LRBA: variants seen among roughly 807,000 people sequenced by gnomAD.
LRBA encodes the protein lipopolysaccharide-responsive and beige-like anchor protein.
Under a neutral mutation model 330.0 loss-of-function variants are expected in LRBA, and 176 were observed. The ratio of observed to expected loss-of-function variants is 0.53; its 90% confidence interval spans 0.47 to 0.60. The LOEUF is 0.60. Ranked by LOEUF, LRBA falls within the 20% of genes least tolerant of loss-of-function variation. The probability of loss-of-function intolerance (pLI) is 0.00; values close to 1 mark genes in which losing one functional copy is unlikely to be tolerated. For missense variants in LRBA, 3,259 were observed against 3,444.8 expected, an observed-to-expected ratio of 0.95 and a Z score of 1.35; for synonymous variants, 1,230 against 1,193.0, an observed-to-expected ratio of 1.03 and a Z score of -0.64.
chr4:150,740,786 A>C, intron 35 of LRBA, among the ~76,000 whole-genome samples: 1 of 152,106 alleles, frequency 6.6e-6, no homozygotes, highest in Non-Finnish European at 1.5e-5. Flanking sequence ...CTTTCTGCAT[A>C]ATCTGATGAG....
At chr4:150,664,530 G>A (rs1781401160) in intron 37 of LRBA, among the ~76,000 whole-genome samples, 1 of 152,056 alleles carries the variant, frequency 6.6e-6, no homozygotes, top group African/African-American at 2.4e-5. Context: ...CGGTTCACAG[G>A]ATGTGTTCCC....
intron 40 of LRBA, among the ~76,000 whole-genome samples, chr4:150,504,626 C>T (rs1316598635): frequency 6.6e-6 from 1 of 152,178 alleles, no homozygotes; most frequent in Non-Finnish European, 1.5e-5. Context: ...CTGGTACCAG[C>T]CACTGCAAAA....
chr4:150,893,596 T>C (rs1729724212), intron 16 of LRBA, among the ~76,000 whole-genome samples: 1 of 152,138 alleles, frequency 6.6e-6, no homozygotes. Context: ...GTGATCTGCC[T>C]ACCTCAGCCT....
intron 35 of LRBA, among the ~76,000 whole-genome samples, chr4:150,739,535 T>C (rs1291166677): frequency 6.6e-6 from 1 of 152,158 alleles, no homozygotes; most frequent in African/African-American, 2.4e-5. Flanking sequence ...ATCCACAGCA[T>C]TATGTAATCT....
chr4:150,882,531 T>C (rs1728509602), intron 17 of LRBA, among the ~76,000 whole-genome samples: 1 of 152,156 alleles, frequency 6.6e-6, no homozygotes, highest in Non-Finnish European at 1.5e-5. Context: ...TGAAGAACAA[T>C]ATTCAAATCT....
Position 150,844,789 on chromosome 4 carries a change from A to C in LRBA, c.4340-10T>G. ...ACTGCGACTGCACAAACTGTAATTT[A>C]TTTTAAGGAAAAGATAGGGAAAGAA... On this transcript the variant is annotated splice_polypyrimidine_tract_variant and intron_variant, in intron 26 of 56. Coordinates refer to ENST00000651943, the MANE Select transcript of LRBA (RefSeq NM_001364905.1). The C allele has an allele frequency of 4.4e-6, 7 of 1,606,992 alleles. No homozygotes were observed. The highest frequency in any genetic ancestry group is 5.9e-6 in the Non-Finnish European group (7 of 1,176,498).
In LRBA at chr4:150,686,392, T is replaced by C. The variant is rs1008237266; in HGVS notation, c.5755-2675A>G. ...TGACCCAAACCACAGAAGAGTTCAC[T>C]TTGTCAAAAATATGATTTGAGCAAA... is the stretch of plus-strand genomic sequence containing the variant. On this transcript the variant is annotated intron_variant, in intron 36 of 56. Coordinates refer to ENST00000651943, the MANE Select transcript of LRBA (RefSeq NM_001364905.1). Among the ~76,000 whole-genome samples, 4 of 152,218 alleles carry C rather than the reference T, an allele frequency of 2.6e-5. No individual in the cohort carries two copies. In the East Asian group the frequency reaches 7.7e-4, roughly 29 times the overall value.
intron 56 of LRBA, among the ~76,000 whole-genome samples, chr4:150,272,571 AAGTT>A (rs1021372951): frequency 4.6e-5 from 7 of 152,026 alleles, no homozygotes; most frequent in African/African-American, 1.2e-4. Context: ...CCTTGAAAAA[AAGTT>A]AGACGAATTG....
At chr4:150,451,035 CA>C (rs1228968018) in intron 44 of LRBA, among the ~76,000 whole-genome samples, 1 of 151,856 alleles carries the variant, frequency 6.6e-6, no homozygotes, top group African/African-American at 2.4e-5. Flanking sequence ...GTCTCAAAAA[CA>C]AAACAAAACA....
chr4:150,605,606 C>T (rs182228050), intron 37 of LRBA, among the ~76,000 whole-genome samples: 9 of 152,078 alleles, frequency 5.9e-5, no homozygotes, highest in Middle Eastern at 3.4e-3. Context: ...TAAATGGTAA[C>T]CCCTAAAAAG....
chr4:150,922,421 G>A (rs991060396), intron 4 of LRBA, among the ~76,000 whole-genome samples: 3 of 91,906 alleles, frequency 3.3e-5, no homozygotes, highest in Non-Finnish European at 5.4e-5. Flanking sequence ...TATATATGAT[G>A]GAATACTACT....
At chr4:150,721,909 G>A (rs780981478) in intron 36 of LRBA, among the ~76,000 whole-genome samples, 8 of 152,276 alleles carry the variant, frequency 5.3e-5, no homozygotes, top group Middle Eastern at 3.4e-3. Context: ...GAGCCACCAC[G>A]ACCAGCCAGA....
At chr4:150,925,720 A>G (rs1733812142) in intron 4 of LRBA, among the ~76,000 whole-genome samples, 1 of 152,212 alleles carries the variant, frequency 6.6e-6, no homozygotes, top group African/African-American at 2.4e-5. Context: ...ATTAGTTCAT[A>G]TTATTTGCTA....
chr4:150,849,939 T>C (rs781279527), intron 24 of LRBA, among the ~76,000 whole-genome samples: 2 of 152,176 alleles, frequency 1.3e-5, no homozygotes, highest in African/African-American at 2.4e-5. Context: ...GTAATGCCTA[T>C]AAAATGCTTT....
intron 2 of LRBA, among the ~76,000 whole-genome samples, chr4:150,996,133 G>A (rs1742618911): frequency 1.3e-5 from 2 of 151,446 alleles, no homozygotes; most frequent in Non-Finnish European, 2.9e-5. Flanking sequence ...TTCAAACTTG[G>A]GCATTAATTG....
At chr4:150,944,995 G>A (rs944876968) in intron 2 of LRBA, among the ~76,000 whole-genome samples, 14 of 152,262 alleles carry the variant, frequency 9.2e-5, no homozygotes, top group Admixed American at 3.9e-4. Context: ...CTTCCACTAC[G>A]ACTGTGGGGC....
chr4:150,958,003 G>A (rs1031503998), intron 2 of LRBA, among the ~76,000 whole-genome samples: 2 of 149,106 alleles, frequency 1.3e-5, no homozygotes, highest in African/African-American at 2.6e-5. Context: ...GCAGCTTTTC[G>A]AGGTGCACAG....
chr4:150,841,113 A>G (rs759180327), intron 28 of LRBA: 15 of 315,374 alleles, frequency 4.8e-5, no homozygotes, highest in Non-Finnish European at 7.6e-5. Flanking sequence ...TTCTCTAGAC[A>G]TACCCATGTT....
At chr4:150,838,091 G>T (rs369529437) in intron 28 of LRBA, among the ~76,000 whole-genome samples, 114 of 152,044 alleles carry the variant, frequency 7.5e-4, no homozygotes, top group East Asian at 2.7e-3. Context: ...TTGAAAATTC[G>T]TTTCTTTAAG....
Sources: gnomAD v4.1 joint callset for allele counts (sites outside exome capture counted in the v4.1 genomes callset) on GRCh38, gnomAD v4.1.1 for gene constraint, MANE v1.5 for transcripts, NCBI Gene and HGNC (gene_info 2026-07-23, HGNC 2026-07-21) for gene names.